Variants in WNK4 observed in about 807,000 individuals in gnomAD.
WNK4 encodes serine/threonine-protein kinase WNK4.
In WNK4, 94 loss-of-function variants were observed where a neutral mutation model predicts 116.2. That is an observed-to-expected ratio of 0.81 (90% confidence interval 0.68 to 0.96). The LOEUF (loss-of-function observed/expected upper bound fraction) is 0.96, where lower values mean the gene tolerates loss of function less well. Ranked by LOEUF, WNK4 falls within the 40% of genes least tolerant of loss-of-function variation. WNK4 has a pLI of 0.00. For synonymous variants in WNK4, 655 were observed against 672.7 expected (o/e 0.97, Z 0.41); for missense variants, 1,542 against 1,650.6 (o/e 0.93, Z 1.14).
intron 11 of WNK4, 80 bp downstream of exon 11, chr17:42,788,877 C>T (rs1446344157): frequency 1.7e-6 from 2 of 1,150,272 alleles, no homozygotes; most frequent in African/African-American, 1.5e-5. Flanking sequence ...GGGCTGAAAC[C>T]CACTGATCCG....
chr17:42,793,679 A>G lies in WNK4; in HGVS notation c.2245A>G (p.Lys749Glu), dbSNP rs1186450195. 1 of 1,613,884 alleles carries G rather than the reference A, an allele frequency of 6.2e-7. No homozygotes were observed. The highest frequency in any genetic ancestry group is 2.2e-5 in the East Asian group (1 of 44,874). The change falls in exon 12 of 19, where the codon AAG (lysine) becomes GAG (glutamate). Residue 749 changes from lysine (K) to glutamate (E), a missense_variant. This residue lies in a region of WNK4 where 808 missense variants were observed against 873.6 expected (regional missense o/e 0.92). Coordinates refer to ENST00000246914, the MANE Select transcript of WNK4 (RefSeq NM_032387.5). ...EIIQRVETLL[K>E]RDTGPMEAAE... Reference sequence around the variant, plus strand: ...TATCCAGCGAGTGGAGACCCTGTTGAAGAGAGACACTGGCCCCATGGAGGC... The same window carrying G: ...TATCCAGCGAGTGGAGACCCTGTTGGAGAGAGACACTGGCCCCATGGAGGC...
In WNK4 at chr17:42,785,312, C is replaced by A. The variant is rs1364307756; in HGVS notation, c.1306C>A (p.Arg436Ser). Residue 436 changes from arginine to serine, a missense_variant, in exon 6 of 19, where the codon CGC (arginine) becomes AGC (serine). Coordinates refer to ENST00000246914, the MANE Select transcript of WNK4 (RefSeq NM_032387.5). ...GGCCCACGCCTTCTTCCGCGAGGAGCGCGGTGTGCACGTGGAACTAGCGGA... is the reference window on the plus strand; with the variant it reads ...GGCCCACGCCTTCTTCCGCGAGGAGAGCGGTGTGCACGTGGAACTAGCGGA... Reference protein sequence around the residue: ...LLAHAFFREERGVHVELAEED... With the variant: ...LLAHAFFREESGVHVELAEED... The A allele has an allele frequency of 3.1e-6, 5 of 1,612,052 alleles. No individual in the cohort carries two copies. The highest frequency in any genetic ancestry group is 4.2e-6 in the Non-Finnish European group (5 of 1,179,194).
intron 11 of WNK4, among the ~76,000 whole-genome samples, chr17:42,790,684 C>T (rs1290725398): frequency 2.6e-5 from 4 of 152,062 alleles, no homozygotes; most frequent in African/African-American, 9.7e-5. Flanking sequence ...TTAGTCAAAA[C>T]TGAGTGAGGA....
At chr17:42,787,727 C>T (rs1166522121) in intron 7 of WNK4, 51 bp from the exon 8 acceptor site, 4 of 1,606,028 alleles carry the variant, frequency 2.5e-6, no homozygotes, top group Non-Finnish European at 3.4e-6. Flanking sequence ...CATCCTCTGC[C>T]ACTATTCCCT....
rs766814362 is a variant in WNK4, at chr17:42,780,808, G to A, written c.110G>A (p.Gly37Glu). The A allele has an allele frequency of 5.6e-6, 9 of 1,602,678 alleles. No individual in the cohort carries two copies. In the South Asian group the frequency reaches 9.9e-5, roughly 18 times the overall value. Residue 37 changes from glycine to glutamate, a missense_variant, in exon 1 of 19, where the codon GGG becomes GAG. By Grantham distance (98) the Gly-to-Glu change is moderately conservative. This residue lies in a region of WNK4 where 243 missense variants were observed against 217.8 expected (regional missense o/e 1.12). Transcript: ENST00000246914. ...GGCACCGCGGGGCAGCCCCGCCTCG[G>A]GCCCCCTCCTCGCCGAGCGCGCCGC... is the stretch of plus-strand genomic sequence containing the variant. ...PLGTAGQPRLGPPPRRARRFS... is the reference protein window; with the variant it reads ...PLGTAGQPRLEPPPRRARRFS...
chr17:42,789,428 C>A (rs574941307), intron 11 of WNK4, among the ~76,000 whole-genome samples: 1 of 148,686 alleles, frequency 6.7e-6, no homozygotes, highest in African/African-American at 2.5e-5. Context: ...AGGCCGAGGC[C>A]GAGGCAGGCA....
Position 42,785,180 on chromosome 17 carries a change from C to G in WNK4, c.1254C>G (p.Asn418Lys). The G allele has an allele frequency of 6.2e-7, 1 of 1,613,718 alleles. No homozygotes were observed. The highest frequency in any genetic ancestry group is 8.5e-7 in the Non-Finnish European group (1 of 1,179,896). Residue 418 changes from asparagine to lysine, a missense_variant, in exon 5 of 19, where the codon AAC becomes AAG. By Grantham distance (94) the Asn-to-Lys change is moderately conservative. Coordinates refer to ENST00000246914, the MANE Select transcript of WNK4 (RefSeq NM_032387.5). Reference sequence around the variant, plus strand: ...AAGGCTGCATCCGCACGGATAAGAACGAGAGGTGGGGGTGAAAGGGCAGAG... The same window carrying G: ...AAGGCTGCATCCGCACGGATAAGAAGGAGAGGTGGGGGTGAAAGGGCAGAG... The part of the protein sequence containing the change: ...IIEGCIRTDK[N>K]ERFTIQDLLA...
In WNK4 at chr17:42,785,296, C is replaced by T. The variant is rs749129658; in HGVS notation, c.1290C>T (p.Ala430=). 2.3e-5 allele frequency: 37 copies of T among 1,611,744 alleles called. No homozygotes were observed. In the East Asian group the frequency reaches 8.0e-4, roughly 35 times the overall value. ...CCATCCAGGACCTCCTGGCCCACGC[C>T]TTCTTCCGCGAGGAGCGCGGTGTGC... ...RFTIQDLLAH[A]FFREERGVHV... is the part of the protein sequence containing the mutation. The change falls in exon 6 of 19, where the codon GCC becomes GCT. Residue 430 remains alanine (A), a synonymous_variant. Coordinates refer to ENST00000246914, the MANE Select transcript of WNK4 (RefSeq NM_032387.5).
In WNK4 at chr17:42,796,537, G is replaced by A; in HGVS notation, c.3688G>A (p.Ala1230Thr). The change falls in exon 18 of 19, where the codon GCA becomes ACA. Residue 1230 changes from alanine to threonine, a missense_variant. Transcript: ENST00000246914. ...GSSTGSQEQR[A>T]SKGVTFAGDV... Reference sequence around the variant, plus strand: ...CAGCACCGGCTCCCAGGAGCAGCGGGCAAGCAAGGGGGTGACATTCGCCGG... The same window carrying A: ...CAGCACCGGCTCCCAGGAGCAGCGGACAAGCAAGGGGGTGACATTCGCCGG... 3.7e-6 allele frequency: 6 copies of A among 1,614,090 alleles called. No homozygotes were observed. The highest frequency in any genetic ancestry group is 5.1e-6 in the Non-Finnish European group (6 of 1,179,904).
Position 42,782,790 on chromosome 17 carries a change from C to T in WNK4, c.651C>T (p.Arg217=), listed in dbSNP as rs146515383. 18 of 1,614,078 alleles carry T rather than the reference C, an allele frequency of 1.1e-5. No homozygotes were observed. The African/African-American group carries it at 2.3e-4, about 20-fold the overall frequency. ...TRKLSRAERQ[R]FSEEVEMLKG... is the part of the protein sequence containing the mutation. ...AACTGTCTAGAGCTGAGCGGCAGCG[C>T]TTCTCAGAGGAGGTGGAGATGCTCA... is the stretch of plus-strand genomic sequence containing the variant. Residue 217 remains arginine, a synonymous_variant, in exon 2 of 19, where the codon CGC becomes CGT. Transcript: ENST00000246914. The surrounding 1 kb of genome is among the most constrained non-coding windows in gnomAD (Gnocchi z 4.2).
chr17:42,786,242 G>T (rs925732931), intron 6 of WNK4, among the ~76,000 whole-genome samples: 11 of 152,200 alleles, frequency 7.2e-5, no homozygotes, highest in African/African-American at 2.7e-4. Flanking sequence ...TTTTAAATCA[G>T]GTTACCCTTC....
At chr17:42,789,134 G>T (rs2054583482) in intron 11 of WNK4, among the ~76,000 whole-genome samples, 1 of 152,110 alleles carries the variant, frequency 6.6e-6, no homozygotes, top group African/African-American at 2.4e-5. Flanking sequence ...CCAGGATCTT[G>T]GCAAATGGGC....
intron 1 of WNK4, 50 bp downstream of exon 1, chr17:42,781,366 T>A: frequency 6.2e-7 from 1 of 1,612,574 alleles, no homozygotes; most frequent in South Asian, 1.1e-5. Flanking sequence ...ACTCTGGAGG[T>A]CTTAGGATGA....
chr17:42,785,052 G>T (rs1239880207), intron 4 of WNK4, 45 bp from the exon 5 acceptor site: 3 of 1,587,208 alleles, frequency 1.9e-6, no homozygotes, highest in Non-Finnish European at 2.6e-6. Context: ...CAAGCCGAGA[G>T]CTGGGGATCA....
Position 42,795,932 on chromosome 17 carries a change from G to A in WNK4, c.3330G>A (p.Trp1110Ter). 2 of 1,612,716 alleles carry A rather than the reference G, an allele frequency of 1.2e-6. No individual in the cohort carries two copies. Among genetic ancestry groups the A allele is most frequent in the Non-Finnish European group, 1.7e-6 (2 of 1,179,332 alleles). ...CCCTGAGCCATCCCAGCCCAGTGTG[G>A]ATGAACTACTCCTACAGCAGCCTGT... Reference protein sequence around the residue: ...PQPLSHPSPVWMNYSYSSLCL... With the variant: ...PQPLSHPSPV Residue 1110 changes from tryptophan (W) to a stop codon, truncating the protein, a stop_gained, in exon 16 of 19, where the codon TGG (tryptophan) becomes TGA (stop). Coordinates refer to ENST00000246914, the MANE Select transcript of WNK4 (RefSeq NM_032387.5). LOFTEE classifies it high-confidence loss of function.
intron 17 of WNK4, 52 bp downstream of exon 17, chr17:42,796,374 C>T (rs747164974): frequency 5.6e-6 from 9 of 1,610,564 alleles, no homozygotes; most frequent in Middle Eastern, 1.6e-4. Flanking sequence ...CCCTTTCTGT[C>T]GACTGTTTTT....
At position 42,796,105 on chromosome 17, in the gene WNK4, C is replaced by A; in HGVS notation, c.3432-18C>A. 1 of 1,614,036 alleles carries A rather than the reference C, an allele frequency of 6.2e-7. No homozygotes were observed. Among genetic ancestry groups the A allele is most frequent in the Non-Finnish European group, 8.5e-7 (1 of 1,180,012 alleles). On this transcript the variant is annotated intron_variant, in intron 16 of 18. Transcript: ENST00000246914. ...AAGGTGTGTGGCTAGCCCTTTCATG[C>A]CCTCCGTGCATCCTCAGGCACTTGT... is the stretch of plus-strand genomic sequence containing the variant.
chr17:42,790,534 T>A (rs1307856191), intron 11 of WNK4, among the ~76,000 whole-genome samples: 2 of 148,486 alleles, frequency 1.3e-5, no homozygotes, highest in East Asian at 3.9e-4. Flanking sequence ...GAGTTGAGAG[T>A]GAAGGGAGAT....
Position 42,780,627 on chromosome 17 carries a change from G to GCGAGT in WNK4, c.-70_-66dup, listed in dbSNP as rs2054470063. ...GCTCAGCCGGAGCGCAGCGCACCCAGCGAGTCCGTCTGTCAGGCCGCCTCC... is the reference window on the plus strand; with the variant it reads ...GCTCAGCCGGAGCGCAGCGCACCCAGCGAGTCGAGTCCGTCTGTCAGGCCGCCTCC... On this transcript the variant is annotated 5_prime_UTR_variant, in exon 1 of 19. Coordinates refer to ENST00000246914, the MANE Select transcript of WNK4 (RefSeq NM_032387.5). 7.6e-6 allele frequency: 12 copies of GCGAGT among 1,585,218 alleles called. No homozygotes were observed. The South Asian group carries it at 1.2e-4, about 16-fold the overall frequency.
Sources: gnomAD v4.1 joint callset for allele counts (sites outside exome capture counted in the v4.1 genomes callset) on GRCh38, gnomAD v4.1.1 for gene constraint, gnomAD v4.1.1 regional missense constraint, Gnocchi (gnomAD v3.1) non-coding constraint, MANE v1.5 for transcripts, NCBI Gene and HGNC (gene_info 2026-07-23, HGNC 2026-07-21) for gene names.